Variants in RPGRIP1L observed in about 807,000 individuals in gnomAD.
The protein encoded by RPGRIP1L is protein fantom.
In RPGRIP1L, 131 loss-of-function variants were observed where a neutral mutation model predicts 160.4. That is an observed-to-expected ratio of 0.82 (90% CI 0.71 to 0.94). The LOEUF (loss-of-function observed/expected upper bound fraction) is 0.94. Among genes scored for constraint, RPGRIP1L ranks in the 40% least tolerant of loss-of-function variants. The pLI, the probability that RPGRIP1L is intolerant of heterozygous loss-of-function variation, is 0.00. For missense variants in RPGRIP1L, 1,522 were observed against 1,535.8 expected, an observed-to-expected ratio of 0.99 and a Z score of 0.15; for synonymous variants, 510 against 515.8, an observed-to-expected ratio of 0.99 and a Z score of 0.15.
intron 9 of RPGRIP1L, among the ~76,000 whole-genome samples, chr16:53,666,592 GTATATATATATA>G (rs71380041): frequency 6.8e-6 from 1 of 147,358 alleles, no homozygotes; most frequent in Non-Finnish European, 1.5e-5. Context: ...GTGTGTGTGT[GTATATATATATA>G]TATGTATGTA....
chr16:53,658,686 C>T (rs1381213338), intron 11 of RPGRIP1L, 86 bp downstream of exon 11: 16 of 949,764 alleles, frequency 1.7e-5, no homozygotes, highest in South Asian at 4.3e-5. Context: ...TGTATGCTTT[C>T]GCTTTGTAGT....
At chr16:53,639,880 G>T (rs1966092795) in intron 19 of RPGRIP1L, among the ~76,000 whole-genome samples, 1 of 152,078 alleles carries the variant, frequency 6.6e-6, no homozygotes. Flanking sequence ...GTATGTGCCA[G>T]GTATTATTTT....
chr16:53,603,222 C>A (rs1214953028), intron 26 of RPGRIP1L, among the ~76,000 whole-genome samples: 1 of 152,236 alleles, frequency 6.6e-6, no homozygotes, highest in Non-Finnish European at 1.5e-5. Context: ...GATTCAATAC[C>A]TGAGACTCCA....
At chr16:53,672,621 C>T (rs1023265676) in intron 8 of RPGRIP1L, among the ~76,000 whole-genome samples, 2 of 152,126 alleles carry the variant, frequency 1.3e-5, no homozygotes, top group Non-Finnish European at 2.9e-5. Flanking sequence ...TTTCAAAATG[C>T]TGGTTTCATT....
chr16:53,637,373 A>G (rs1320885939), intron 21 of RPGRIP1L, among the ~76,000 whole-genome samples: 1 of 152,212 alleles, frequency 6.6e-6, no homozygotes, highest in East Asian at 1.9e-4. Flanking sequence ...CAATTTTTAA[A>G]AAGTCAAGAC....
chr16:53,660,280 T>G (rs1967663949), intron 10 of RPGRIP1L, among the ~76,000 whole-genome samples: 1 of 152,190 alleles, frequency 6.6e-6, no homozygotes, highest in African/African-American at 2.4e-5. Context: ...CATCCTGCTC[T>G]CAACCATTTA....
At chr16:53,649,699 G>T (rs148641339) in intron 15 of RPGRIP1L, among the ~76,000 whole-genome samples, 1 of 152,304 alleles carries the variant, frequency 6.6e-6, no homozygotes, top group East Asian at 1.9e-4. Flanking sequence ...AACTCAGGCA[G>T]CTCTTCATCT....
intron 10 of RPGRIP1L, chr16:53,659,326 G>T: frequency 2.8e-6 from 1 of 362,488 alleles, no homozygotes; most frequent in Non-Finnish European, 3.9e-6. Flanking sequence ...ATTAAAACAA[G>T]GTAATTTCCA....
intron 22 of RPGRIP1L, among the ~76,000 whole-genome samples, chr16:53,623,275 C>T (rs1964860388): frequency 6.6e-6 from 1 of 151,976 alleles, no homozygotes; most frequent in South Asian, 2.1e-4. Context: ...AACTGGTAGC[C>T]GATTGATGAG....
intron 25 of RPGRIP1L, 149 bp from the exon 26 acceptor site, chr16:53,605,763 G>A (rs1598206337): frequency 3.8e-6 from 3 of 787,184 alleles, no homozygotes; most frequent in Non-Finnish European, 6.4e-6. Flanking sequence ...GGCTAGATAA[G>A]TTATTATATG....
intron 12 of RPGRIP1L, 35 bp downstream of exon 12, chr16:53,658,379 A>C (rs1278702020): frequency 4.0e-6 from 6 of 1,501,762 alleles, no homozygotes; most frequent in Non-Finnish European, 5.6e-6. Flanking sequence ...AGTTGTATGC[A>C]GACATGAAAA....
intron 16 of RPGRIP1L, among the ~76,000 whole-genome samples, chr16:53,648,624 G>GCA (rs1285147301): frequency 0.021 from 2,268 of 106,760 alleles, 50 homozygotes; most frequent in African/African-American, 0.054. Flanking sequence ...GCGCGCGCGC[G>GCA]CGCACACACA....
chr16:53,632,922 C>T (rs570645929), intron 22 of RPGRIP1L, among the ~76,000 whole-genome samples: 39 of 152,278 alleles, frequency 2.6e-4, no homozygotes, highest in African/African-American at 9.1e-4. Context: ...CCCATGCATT[C>T]CATTCTCCTG....
chr16:53,702,487 C>T (rs1027738298), intron 1 of RPGRIP1L, among the ~76,000 whole-genome samples: 3 of 152,140 alleles, frequency 2.0e-5, no homozygotes, highest in Non-Finnish European at 2.9e-5. Flanking sequence ...TTATGTTATC[C>T]TTCTTTGCTC....
intron 4 of RPGRIP1L, among the ~76,000 whole-genome samples, chr16:53,689,480 C>T (rs1436328551): frequency 6.6e-6 from 1 of 152,298 alleles, no homozygotes; most frequent in South Asian, 2.1e-4. Flanking sequence ...CTTTGCTTTA[C>T]AAAAATCTTT....
chr16:53,640,128 G>T (rs886490468), intron 19 of RPGRIP1L, among the ~76,000 whole-genome samples: 1 of 152,124 alleles, frequency 6.6e-6, no homozygotes, highest in African/African-American at 2.4e-5. Flanking sequence ...GGGTGTAGGG[G>T]TGAGAAAAAA....
At chr16:53,641,250 T>C in intron 18 of RPGRIP1L, 35 bp downstream of exon 18, 1 of 1,596,320 alleles carries the variant, frequency 6.3e-7, no homozygotes, top group Non-Finnish European at 8.6e-7. Flanking sequence ...CAAAATTTTA[T>C]ACTTGTAAAA....
In RPGRIP1L at chr16:53,609,810, A is replaced by C. The variant is rs547468460; in HGVS notation, c.3701+1157T>G. Among the ~76,000 whole-genome samples the C allele has an allele frequency of 2.6e-5, 4 of 152,316 alleles. No homozygotes were observed. The South Asian group carries it at 8.3e-4, about 32-fold the overall frequency. On this transcript the variant is annotated intron_variant, in intron 25 of 26. Transcript: ENST00000647211. ...ACCTGAGTGATTACCATCCTGGGAA[A>C]AGTAGAGCCTCAGAAAGCTAGTGAA...
chr16:53,698,855 C>G (rs1169265324), intron 2 of RPGRIP1L, among the ~76,000 whole-genome samples: 4 of 152,044 alleles, frequency 2.6e-5, no homozygotes, highest in Non-Finnish European at 5.9e-5. Context: ...AGTGAGGACC[C>G]CTCTGCCCAG....
Sources: allele counts gnomAD v4.1 joint callset (sites outside exome capture counted in the v4.1 genomes callset), GRCh38; gene constraint gnomAD v4.1.1; transcripts MANE v1.5; gene names NCBI Gene and HGNC (gene_info 2026-07-23, HGNC 2026-07-21).